The following CADM1 variants were observed in gnomAD, a reference collection of about 807,000 sequenced individuals.
CADM1 encodes cell adhesion molecule 1.
Under a neutral mutation model 53.1 loss-of-function variants are expected in CADM1, and 15 were observed. The ratio of observed to expected loss-of-function variants is 0.28; its 90% CI spans 0.19 to 0.44. CADM1 has a LOEUF of 0.44. CADM1 is among the 20% of genes least tolerant of loss of function. CADM1 has a pLI of 1.00. For missense variants in CADM1, 434 were observed against 611.3 expected (o/e 0.71, Z 3.06); for synonymous variants, 281 against 243.0 (o/e 1.16, Z -1.45).
intron 4 of CADM1, among the ~76,000 whole-genome samples, chr11:115,230,001 C>T (rs1406600932): frequency 6.6e-6 from 1 of 152,244 alleles, no homozygotes; most frequent in South Asian, 2.1e-4. Flanking sequence ...AAGGCAGTCC[C>T]TTCCTGAACT....
At chr11:115,297,967 T>C (rs887802846) in intron 1 of CADM1, among the ~76,000 whole-genome samples, 5 of 152,182 alleles carry the variant, frequency 3.3e-5, no homozygotes, top group African/African-American at 9.6e-5. Context: ...AGAAGTAACA[T>C]TGGCCTCTCA....
chr11:115,287,960 T>C (rs988291298), intron 1 of CADM1, among the ~76,000 whole-genome samples: 2 of 152,164 alleles, frequency 1.3e-5, no homozygotes, highest in Admixed American at 1.3e-4. Flanking sequence ...TGATGATCAG[T>C]GCTTTGAAAA....
chr11:115,487,474 C>G (rs1187376427), intron 1 of CADM1, among the ~76,000 whole-genome samples: 1 of 152,014 alleles, frequency 6.6e-6, no homozygotes, highest in Non-Finnish European at 1.5e-5. Flanking sequence ...TCTATGCACT[C>G]ACCTTATGAA....
At chr11:115,206,758 CTTT>C (rs56270694) in intron 8 of CADM1, among the ~76,000 whole-genome samples, 34 of 38,228 alleles carry the variant, frequency 8.9e-4, no homozygotes, top group Admixed American at 4.9e-3. Flanking sequence ...CTGTGGACTT[CTTT>C]TTTTTTTTTT....
At position 115,240,255 on chromosome 11, in the gene CADM1, T is replaced by C; in HGVS notation, c.271+19A>G. 6.2e-7 allele frequency: 1 copy of C among 1,612,458 alleles called. No homozygotes were observed. Among genetic ancestry groups the C allele is most frequent in the Non-Finnish European group, 8.5e-7 (1 of 1,179,112 alleles). ...AGGTAAAAAAGTTGCCATCTACAAC[T>C]ATAGAGATGGAAACTTACGCCTGAA... On this transcript the variant is annotated intron_variant, in intron 2 of 11. Transcript: ENST00000331581.
Position 115,417,293 on chromosome 11 carries a change from G to A in CADM1, c.124+86978C>T, listed in dbSNP as rs374943188. Among the ~76,000 whole-genome samples the A allele has an allele frequency of 2.6e-5, 4 of 152,252 alleles. No individual in the cohort carries two copies. In the South Asian group the frequency reaches 6.2e-4, roughly 24 times the overall value. ...CATTACATGACTAAGGGAGCTCACC[G>A]TTTACGGGAAACTTGTGGTGAATCT... On this transcript the variant is annotated intron_variant, in intron 1 of 11. Transcript: ENST00000331581.
At chr11:115,358,859 T>C (rs1945950883) in intron 1 of CADM1, among the ~76,000 whole-genome samples, 1 of 152,194 alleles carries the variant, frequency 6.6e-6, no homozygotes, top group African/African-American at 2.4e-5. Flanking sequence ...GAGTTTCCTT[T>C]GCAAATGCAA....
At chr11:115,257,135 TTATACGG>T (rs1283676899) in intron 1 of CADM1, among the ~76,000 whole-genome samples, 1 of 152,118 alleles carries the variant, frequency 6.6e-6, no homozygotes, top group Non-Finnish European at 1.5e-5. Context: ...ACTTCCAACT[TTATACGG>T]TAGTTTTTCT....
At chr11:115,205,432 G>A (rs1197430926) in intron 8 of CADM1, among the ~76,000 whole-genome samples, 1 of 152,034 alleles carries the variant, frequency 6.6e-6, no homozygotes. Context: ...AAACAAGACA[G>A]AACAAACACT....
chr11:115,308,550 A>T (rs1269508259), intron 1 of CADM1, among the ~76,000 whole-genome samples: 1 of 152,042 alleles, frequency 6.6e-6, no homozygotes, highest in Non-Finnish European at 1.5e-5. Context: ...CACGTCTGCA[A>T]AACAGTAGTG....
intron 1 of CADM1, among the ~76,000 whole-genome samples, chr11:115,243,587 T>C (rs1942314007): frequency 6.6e-6 from 1 of 152,188 alleles, no homozygotes; most frequent in African/African-American, 2.4e-5. Flanking sequence ...AAATACGGTA[T>C]GTATGTCAGT....
intron 1 of CADM1, among the ~76,000 whole-genome samples, chr11:115,262,081 A>G (rs865934796): frequency 6.6e-6 from 1 of 151,324 alleles, no homozygotes; most frequent in African/African-American, 2.4e-5. Context: ...AGATATTTTT[A>G]CGATTCAGTT....
rs1006647533 is a variant in CADM1 at position 115,169,781 on chromosome 11, G to T, written c.*6693C>A. ...GCAAACAGCTTTTGTGGATTAGCTA[G>T]ACTTGCACTTGCCAGCATCCATTGC... On this transcript the variant is annotated 3_prime_UTR_variant, in exon 12 of 12. Transcript: ENST00000331581. 3 of 319,684 alleles carry T rather than the reference G, an allele frequency of 9.4e-6. No individual in the cohort carries two copies. In the Admixed American group the frequency reaches 1.2e-4, roughly 13 times the overall value. 19.8% of individuals were successfully genotyped at this position (319,684 alleles called of 1,614,324 possible).
At chr11:115,464,209 T>C (rs1473590566) in intron 1 of CADM1, among the ~76,000 whole-genome samples, 2 of 152,100 alleles carry the variant, frequency 1.3e-5, no homozygotes, top group Non-Finnish European at 2.9e-5. Context: ...AGACAGGAAA[T>C]GGATCAGATG....
intron 1 of CADM1, among the ~76,000 whole-genome samples, chr11:115,501,100 A>G (rs889761777): frequency 5.9e-5 from 9 of 152,146 alleles, no homozygotes; most frequent in Non-Finnish European, 1.0e-4. Context: ...AGATTGCTCA[A>G]TGGGTCTCTT....
At chr11:115,263,204 T>A (rs1475086007) in intron 1 of CADM1, among the ~76,000 whole-genome samples, 1 of 152,254 alleles carries the variant, frequency 6.6e-6, no homozygotes, top group African/African-American at 2.4e-5. Context: ...GCCAGGTTTC[T>A]CCACTGAAAA....
rs561245128 is a variant in CADM1 at position 115,202,040 on chromosome 11, C to T, written c.1079-3602G>A. Reference sequence around the variant, plus strand: ...CACATTCTACTCAAAATTGACTTCTCTTCTTAGTCTCCTAGTCCTACAGTT... The same window carrying T: ...CACATTCTACTCAAAATTGACTTCTTTTCTTAGTCTCCTAGTCCTACAGTT... On this transcript the variant is annotated intron_variant, in intron 8 of 11. Coordinates refer to ENST00000331581, the MANE Select transcript of CADM1 (RefSeq NM_001301043.2). Among the ~76,000 whole-genome samples, 44 of 152,238 alleles carry T rather than the reference C, an allele frequency of 2.9e-4. No individual in the cohort carries two copies. The South Asian group carries it at 8.7e-3, about 30-fold the overall frequency.
chr11:115,482,644 T>C (rs1949284578), intron 1 of CADM1, among the ~76,000 whole-genome samples: 1 of 152,188 alleles, frequency 6.6e-6, no homozygotes, highest in Admixed American at 6.5e-5. Flanking sequence ...TCTTATAAGA[T>C]GGTTAATTCT....
intron 1 of CADM1, among the ~76,000 whole-genome samples, chr11:115,403,211 A>G (rs1352850829): frequency 6.6e-6 from 1 of 152,224 alleles, no homozygotes; most frequent in African/African-American, 2.4e-5. Flanking sequence ...GAAAATATCA[A>G]AAAAATCCAA....
Sources: gnomAD v4.1 joint callset for allele counts (sites outside exome capture counted in the v4.1 genomes callset) on GRCh38, gnomAD v4.1.1 for gene constraint, MANE v1.5 for transcripts, NCBI Gene and HGNC (gene_info 2026-07-23, HGNC 2026-07-21) for gene names.